The following MBNL1 variants were observed in gnomAD, a reference collection of about 807,000 sequenced individuals.
MBNL1 encodes the protein muscleblind-like protein 1.
MBNL1 carries 8 observed loss-of-function variants against 42.2 expected under a neutral mutation model. The ratio of observed to expected loss-of-function variants is 0.19; its 90% CI spans 0.11 to 0.34. The LOEUF (loss-of-function observed/expected upper bound fraction) is 0.34. Among genes scored for constraint, MBNL1 ranks in the 10% least tolerant of loss-of-function variants. MBNL1 has a pLI of 1.00. For missense variants in MBNL1, 309 were observed against 495.3 expected (o/e 0.62, Z 3.57); for synonymous variants, 169 against 173.9 (o/e 0.97, Z 0.22).
intron 2 of MBNL1, among the ~76,000 whole-genome samples, chr3:152,326,040 C>T (rs1577972756): frequency 6.6e-6 from 1 of 152,126 alleles, no homozygotes; most frequent in African/African-American, 2.4e-5. Context: ...TATCATGTCA[C>T]TTATACTTCT....
chr3:152,298,941 G>A (rs1345608308), intron 1 of MBNL1: 2 of 152,258 alleles, frequency 1.3e-5, no homozygotes, highest in African/African-American at 4.8e-5. Context: ...GCTTAGACTT[G>A]TCTGAGAAGC....
intron 2 of MBNL1, among the ~76,000 whole-genome samples, chr3:152,385,074 G>T (rs982540906): frequency 6.6e-6 from 1 of 152,074 alleles, no homozygotes; most frequent in Admixed American, 6.6e-5. Flanking sequence ...CTCAGGAAAA[G>T]AACCCTTTCC....
intron 1 of MBNL1, among the ~76,000 whole-genome samples, chr3:152,293,686 T>C (rs2151132093): frequency 6.6e-6 from 1 of 152,336 alleles, no homozygotes; most frequent in South Asian, 2.1e-4. Flanking sequence ...TTCCTCAGTA[T>C]ATAACTTATA....
chr3:152,429,904 T>C lies in MBNL1; in HGVS notation c.346-2813T>C, dbSNP rs373136984. Among the ~76,000 whole-genome samples, 182 of 152,250 alleles carry C rather than the reference T, an allele frequency of 1.2e-3. 7 individuals are homozygous for C. In the South Asian group the frequency reaches 0.037, roughly 31 times the overall value. ...CCTGTTCGGCAAATAGCTCTACTTA[T>C]CGAAAGAGGGAACAATTTGAGATAG... On this transcript the variant is annotated intron_variant, in intron 3 of 9. Transcript: ENST00000324210.
At chr3:152,452,207 A>G (rs1402398233) in intron 6 of MBNL1, among the ~76,000 whole-genome samples, 1 of 152,236 alleles carries the variant, frequency 6.6e-6, no homozygotes, top group Non-Finnish European at 1.5e-5. Flanking sequence ...GATATTATGC[A>G]TAATTTAGGA....
In MBNL1 at chr3:152,258,669, T is replaced by C. The variant is rs562924510; in HGVS notation, n.333+14229T>C. On this transcript the variant is annotated intron_variant and non_coding_transcript_variant, in intron 2 of 2. Transcript: ENST00000477171. ...TTGGTATGTATATATCTGTTGCCAA[T>C]AACCCCAAAGTAGACAGTGTTTTCC... is the stretch of plus-strand genomic sequence containing the variant. Among the ~76,000 whole-genome samples, 22 of 152,354 alleles carry C rather than the reference T, an allele frequency of 1.4e-4. No homozygotes were observed. The East Asian group carries it at 4.0e-3, about 28-fold the overall frequency.
chr3:152,340,870 T>C, intron 2 of MBNL1: 1 of 1,613,228 alleles, frequency 6.2e-7, no homozygotes, highest in Non-Finnish European at 8.5e-7. Context: ...GCCAAGCCAG[T>C]ATAAAGGCAC....
intron 2 of MBNL1, among the ~76,000 whole-genome samples, chr3:152,353,198 A>G (rs1356518973): frequency 3.3e-5 from 5 of 152,184 alleles, no homozygotes; most frequent in East Asian, 1.9e-4. Context: ...TGTAAAGTCA[A>G]TGGTGTACTC....
At chr3:152,411,879 G>A (rs2098587113) in intron 2 of MBNL1, among the ~76,000 whole-genome samples, 3 of 152,112 alleles carry the variant, frequency 2.0e-5, no homozygotes, top group Admixed American at 6.5e-5. Context: ...CATTAGGTCA[G>A]TACAACTCAG....
At chr3:152,360,420 T>C (rs979486218) in intron 2 of MBNL1, among the ~76,000 whole-genome samples, 1 of 152,168 alleles carries the variant, frequency 6.6e-6, no homozygotes, top group African/African-American at 2.4e-5. Flanking sequence ...AAATCAAATA[T>C]GAACAATCCC....
chr3:152,413,643 T>A (rs1341916483), intron 2 of MBNL1, among the ~76,000 whole-genome samples: 3 of 152,248 alleles, frequency 2.0e-5, no homozygotes, highest in Non-Finnish European at 4.4e-5. Context: ...ATCATAAGTA[T>A]AAGCATCAGA....
At chr3:152,430,596 A>G (rs1314481705) in intron 3 of MBNL1, among the ~76,000 whole-genome samples, 1 of 152,230 alleles carries the variant, frequency 6.6e-6, no homozygotes, top group Non-Finnish European at 1.5e-5. Flanking sequence ...AACAAAGTAC[A>G]AGTTTAACCT....
chr3:152,341,233 C>T (rs559512189), intron 2 of MBNL1, among the ~76,000 whole-genome samples: 8 of 152,308 alleles, frequency 5.3e-5, no homozygotes, highest in African/African-American at 1.9e-4. Context: ...GGCACAGTCT[C>T]AAGCTAGTGG....
chr3:152,296,871 G>A (rs1033257424), intron 1 of MBNL1, among the ~76,000 whole-genome samples: 2 of 152,056 alleles, frequency 1.3e-5, no homozygotes, highest in African/African-American at 4.8e-5. Flanking sequence ...TTATGGCTAA[G>A]CCATGGGGTT....
chr3:152,358,018 C>T (rs935078417), intron 2 of MBNL1, among the ~76,000 whole-genome samples: 11 of 151,994 alleles, frequency 7.2e-5, no homozygotes, highest in Non-Finnish European at 1.3e-4. Flanking sequence ...TGCGCACGCA[C>T]GTGCGTGTAT....
At chr3:152,339,621 T>G (rs1326928789) in intron 2 of MBNL1, 1 of 152,180 alleles carries the variant, frequency 6.6e-6, no homozygotes, top group Admixed American at 6.6e-5. Context: ...CAATATTAAC[T>G]TAATTCCTTA....
At chr3:152,342,553 AACACACACAC>A (rs111644138) in intron 2 of MBNL1, among the ~76,000 whole-genome samples, 2,128 of 146,106 alleles carry the variant, frequency 0.015, 40 homozygotes, top group African/African-American at 0.051. Context: ...AACTAAACAA[AACACACACAC>A]ACACACACAC....
At chr3:152,290,371 T>C (rs531340497) in intron 1 of MBNL1, among the ~76,000 whole-genome samples, 3 of 152,178 alleles carry the variant, frequency 2.0e-5, no homozygotes, top group Admixed American at 2.0e-4. Context: ...TTGAGTCTGC[T>C]AAAATAGGAA....
intron 2 of MBNL1, among the ~76,000 whole-genome samples, chr3:152,247,537 G>T (rs953765962): frequency 6.6e-6 from 1 of 151,484 alleles, no homozygotes; most frequent in Admixed American, 6.6e-5. Context: ...TAAATGAAAT[G>T]GAATCTAATT....
Sources: allele counts gnomAD v4.1 joint callset (sites outside exome capture counted in the v4.1 genomes callset), GRCh38; gene constraint gnomAD v4.1.1; transcripts MANE v1.5; gene names NCBI Gene and HGNC (gene_info 2026-07-23, HGNC 2026-07-21).